The following ACSS2 variants were observed in gnomAD, a reference collection of about 807,000 sequenced individuals.
ACSS2 encodes acetyl-coenzyme A synthetase, cytoplasmic.
Under a neutral mutation model 90.6 loss-of-function variants are expected in ACSS2, and 58 were observed. The ratio of observed to expected loss-of-function variants is 0.64; its 90% CI spans 0.52 to 0.80. ACSS2 has a LOEUF of 0.80. ACSS2 is among the 30% of genes least tolerant of loss of function. ACSS2 has a pLI of 0.00. For synonymous variants in ACSS2, 300 were observed against 330.9 expected, an observed-to-expected ratio of 0.91 and a Z score of 1.01; for missense variants, 759 against 912.0, an observed-to-expected ratio of 0.83 and a Z score of 2.16.
chr20:34,906,948 C>T (rs2147054588), intron 2 of ACSS2, among the ~76,000 whole-genome samples: 1 of 135,062 alleles, frequency 7.4e-6, no homozygotes, highest in South Asian at 2.4e-4. Flanking sequence ...CGCACTATTG[C>T]ACTCCAGCCT....
intron 2 of ACSS2, among the ~76,000 whole-genome samples, chr20:34,893,327 G>A (rs1409406740): frequency 6.6e-6 from 1 of 151,946 alleles, no homozygotes; most frequent in East Asian, 1.9e-4. Context: ...TCAGCCTCCT[G>A]AGTAGCTAGG....
At chr20:34,908,226 C>T (rs2080856967) in intron 2 of ACSS2, among the ~76,000 whole-genome samples, 3 of 152,182 alleles carry the variant, frequency 2.0e-5, no homozygotes, top group African/African-American at 7.2e-5. Flanking sequence ...GGAGGTGGAC[C>T]TGAACTTGCC....
At chr20:34,923,662 G>C (rs1188525408) in intron 14 of ACSS2, among the ~76,000 whole-genome samples, 1 of 152,166 alleles carries the variant, frequency 6.6e-6, no homozygotes, top group African/African-American at 2.4e-5. Flanking sequence ...GAAAGCAAAG[G>C]GAAAGCCAGT....
At chr20:34,887,301 G>GT (rs2080219953) in intron 2 of ACSS2, among the ~76,000 whole-genome samples, 1 of 152,164 alleles carries the variant, frequency 6.6e-6, no homozygotes, top group African/African-American at 2.4e-5. Context: ...TAGTAGTCCA[G>GT]CACTTGGCTG....
chr20:34,922,983 G>T, intron 13 of ACSS2: 1 of 188,216 alleles, frequency 5.3e-6, no homozygotes, highest in Non-Finnish European at 1.1e-5. Flanking sequence ...CTCAAGGATT[G>T]CCCAAAAGGA....
chr20:34,877,818 CAAAAAAAAAAAAAAAAAAAA>C (rs60819156), intron 1 of ACSS2, among the ~76,000 whole-genome samples: 2 of 91,222 alleles, frequency 2.2e-5, no homozygotes, highest in Non-Finnish European at 4.0e-5. Context: ...GACTTTGTCT[CAAAAAAAAAAAAAAAAAAAA>C]AAAAAAAAAA....
chr20:34,912,981 C>G (rs2080995934), intron 2 of ACSS2, 115 bp from the exon 3 acceptor site: 2 of 812,906 alleles, frequency 2.5e-6, no homozygotes, highest in Admixed American at 1.8e-5. Flanking sequence ...ATAGCTCATC[C>G]TCATAGAACA....
chr20:34,904,823 T>C (rs1292827591), intron 2 of ACSS2, among the ~76,000 whole-genome samples: 1 of 152,104 alleles, frequency 6.6e-6, no homozygotes, highest in Non-Finnish European at 1.5e-5. Flanking sequence ...AAAAGTAGTT[T>C]GGTTTATACC....
rs1482056196 is a variant in ACSS2 at position 34,926,901 on chromosome 20, C to T, written c.1928C>T (p.Ala643Val). ...KQIREKIGPI[A>V]TPDYIQNAPG... ...GTTAGAGAAAAGATTGGCCCCATTG[C>T]CACACCAGACTACATCCAGAATGCA... Residue 643 changes from alanine to valine, a missense_variant, in exon 17 of 18, where the codon GCC (alanine) becomes GTC (valine). Physicochemically the swap from Ala to Val is moderately conservative, Grantham distance 64. Coordinates refer to ENST00000360596, the MANE Select transcript of ACSS2 (RefSeq NM_018677.4). The T allele has an allele frequency of 1.2e-6, 2 of 1,614,132 alleles. No homozygotes were observed. Among genetic ancestry groups the T allele is most frequent in the Admixed American group, 3.3e-5 (2 of 60,016 alleles).
intron 1 of ACSS2, among the ~76,000 whole-genome samples, chr20:34,879,271 A>G (rs572581313): frequency 6.6e-6 from 1 of 151,764 alleles, no homozygotes; most frequent in South Asian, 2.1e-4. Flanking sequence ...ATCTCCCACT[A>G]CTTGCTACCA....
chr20:34,906,631 C>G (rs1194469587), intron 2 of ACSS2, among the ~76,000 whole-genome samples: 1 of 152,078 alleles, frequency 6.6e-6, no homozygotes, highest in Non-Finnish European at 1.5e-5. Flanking sequence ...TGTGCACTCT[C>G]TATGTACTAG....
At chr20:34,896,005 T>C (rs774644306) in intron 2 of ACSS2, among the ~76,000 whole-genome samples, 10 of 152,020 alleles carry the variant, frequency 6.6e-5, no homozygotes, top group Non-Finnish European at 1.3e-4. Context: ...CTGTTTCTGC[T>C]CTAGGCATAT....
Position 34,913,740 on chromosome 20 carries a change from T to G in ACSS2, c.571-13T>G, listed in dbSNP as rs769203598. On this transcript the variant is annotated splice_polypyrimidine_tract_variant and intron_variant, in intron 4 of 17. Transcript: ENST00000360596. ...GCTTTCTTCTCTCCCTCAGACTTTCTTCCCTTCCCTAGTTTGCAGGCTTCT... is the reference window on the plus strand; with the variant it reads ...GCTTTCTTCTCTCCCTCAGACTTTCGTCCCTTCCCTAGTTTGCAGGCTTCT... The G allele has an allele frequency of 1.9e-6, 3 of 1,613,470 alleles. No individual in the cohort carries two copies. Among genetic ancestry groups the G allele is most frequent in the Non-Finnish European group, 2.5e-6 (3 of 1,179,374 alleles).
chr20:34,898,730 C>T (rs2080535993), intron 2 of ACSS2, among the ~76,000 whole-genome samples: 1 of 152,230 alleles, frequency 6.6e-6, no homozygotes, highest in Non-Finnish European at 1.5e-5. Context: ...AGGAGCCCAG[C>T]TGGCTTCACC....
At chr20:34,905,455 G>A (rs945053062) in intron 2 of ACSS2, among the ~76,000 whole-genome samples, 11 of 151,488 alleles carry the variant, frequency 7.3e-5, no homozygotes, top group African/African-American at 2.7e-4. Context: ...TGTATTTTTA[G>A]TAGAGATGGG....
intron 2 of ACSS2, among the ~76,000 whole-genome samples, chr20:34,911,377 G>A (rs949072594): frequency 2.6e-5 from 4 of 151,398 alleles, no homozygotes; most frequent in Non-Finnish European, 5.9e-5. Flanking sequence ...TAGTAGAGAC[G>A]GGGTTTCTCC....
chr20:34,918,081 G>A (rs1490118403), intron 7 of ACSS2, among the ~76,000 whole-genome samples: 2 of 152,170 alleles, frequency 1.3e-5, no homozygotes, highest in African/African-American at 4.8e-5. Context: ...TTAACTCCCA[G>A]TAGTCACTGA....
rs748637375 is a variant in ACSS2, at chr20:34,914,146, G to A, written c.694G>A (p.Glu232Lys). The A allele has an allele frequency of 2.0e-5, 33 of 1,614,030 alleles. No homozygotes were observed. The South Asian group carries it at 2.4e-4, about 12-fold the overall frequency. The part of the protein sequence containing the change: ...KLVNLKELAD[E>K]ALQKCQEKGF... ...TGTGAACCTGAAGGAGCTGGCTGAC[G>A]AGGCCCTGCAGAAGTGTCAGGAGAA... is the stretch of plus-strand genomic sequence containing the variant. The change falls in exon 6 of 18, where the codon GAG becomes AAG. Residue 232 changes from glutamate to lysine, a missense_variant. Glu to Lys is a moderately conservative substitution (Grantham distance 56, BLOSUM62 1). Coordinates refer to ENST00000360596, the MANE Select transcript of ACSS2 (RefSeq NM_018677.4).
At position 34,920,504 on chromosome 20, in the gene ACSS2, A is replaced by G. The variant is rs573108232; in HGVS notation, c.973-35A>G. ...CATTTGGTGGTCAGTAGGGGTGGGC[A>G]TAAGACCCTAACCTGTTCCCCATTC... On this transcript the variant is annotated intron_variant, in intron 8 of 17. Transcript: ENST00000360596. The G allele has an allele frequency of 1.7e-5, 27 of 1,602,866 alleles. No homozygotes were observed. The South Asian group carries it at 2.8e-4, about 16-fold the overall frequency.
Sources: gnomAD v4.1 joint callset for allele counts (sites outside exome capture counted in the v4.1 genomes callset) on GRCh38, gnomAD v4.1.1 for gene constraint, MANE v1.5 for transcripts, NCBI Gene and HGNC (gene_info 2026-07-23, HGNC 2026-07-21) for gene names.